ELF2: variants seen among roughly 807,000 people sequenced by gnomAD.
The protein encoded by ELF2 is ETS-related transcription factor Elf-2.
ELF2 carries 11 observed loss-of-function variants against 54.8 expected under a neutral mutation model. The ratio of observed to expected loss-of-function variants is 0.20; its 90% CI spans 0.13 to 0.33. The LOEUF (loss-of-function observed/expected upper bound fraction) is 0.33, where lower values mean the gene tolerates loss of function less well. ELF2 is among the 10% of genes least tolerant of loss of function. ELF2 has a pLI of 1.00. For missense variants in ELF2, 513 were observed against 703.0 expected (o/e 0.73, Z 3.06); for synonymous variants, 203 against 245.1 (o/e 0.83, Z 1.61).
chr4:139,161,796 C>A (rs1441438214), intron 1 of ELF2, among the ~76,000 whole-genome samples: 6 of 151,550 alleles, frequency 4.0e-5, no homozygotes, highest in African/African-American at 1.5e-4. Context: ...CATGGAGAAA[C>A]CCCGTCTCTA....
intron 1 of ELF2, among the ~76,000 whole-genome samples, chr4:139,169,857 T>TAAAA (rs3041235): frequency 3.1e-5 from 4 of 129,116 alleles, no homozygotes; most frequent in South Asian, 4.8e-4. Context: ...ACTCTTGTCT[T>TAAAA]AAAAAAAAAA....
intron 4 of ELF2, among the ~76,000 whole-genome samples, chr4:139,079,813 G>A (rs1027722946): frequency 2.0e-5 from 3 of 152,228 alleles, no homozygotes; most frequent in Non-Finnish European, 2.9e-5. Context: ...TTGGGAGGCT[G>A]AAGTGGGAGA....
chr4:139,131,351 G>T (rs954318129), intron 3 of ELF2, among the ~76,000 whole-genome samples: 2 of 152,120 alleles, frequency 1.3e-5, no homozygotes, highest in Non-Finnish European at 2.9e-5. Flanking sequence ...TAAGGAGAGA[G>T]ATTCTTAGTT....
chr4:139,108,846 C>A (rs998696420), intron 4 of ELF2, among the ~76,000 whole-genome samples: 2 of 152,134 alleles, frequency 1.3e-5, no homozygotes, highest in Non-Finnish European at 2.9e-5. Context: ...ACGAGGGGAA[C>A]AGAACAACCT....
chr4:139,070,992 T>C (rs1410279922), intron 6 of ELF2, among the ~76,000 whole-genome samples: 1 of 152,212 alleles, frequency 6.6e-6, no homozygotes, highest in African/African-American at 2.4e-5. Context: ...ACCTAATTAC[T>C]TAGAATGTCA....
At chr4:139,143,379 T>A (rs1048139682) in intron 1 of ELF2, among the ~76,000 whole-genome samples, 8 of 152,212 alleles carry the variant, frequency 5.3e-5, no homozygotes, top group African/African-American at 1.9e-4. Flanking sequence ...TATGCCTCCC[T>A]TCACTGTTGC....
chr4:139,122,666 T>C (rs995252379), intron 4 of ELF2, among the ~76,000 whole-genome samples: 4 of 151,890 alleles, frequency 2.6e-5, no homozygotes, highest in African/African-American at 9.7e-5. Context: ...CACGCCCAGC[T>C]AATTTTTTGT....
chr4:139,081,393 A>G (rs1286516495), intron 4 of ELF2, among the ~76,000 whole-genome samples: 1 of 152,214 alleles, frequency 6.6e-6, no homozygotes, highest in South Asian at 2.1e-4. Flanking sequence ...GACAGTGATA[A>G]TATTAAGTGT....
At chr4:139,169,167 G>A (rs559052371) in intron 1 of ELF2, among the ~76,000 whole-genome samples, 1 of 151,740 alleles carries the variant, frequency 6.6e-6, no homozygotes, top group African/African-American at 2.4e-5. Context: ...GGCCAAAATG[G>A]TGAAACCCCA....
At chr4:139,083,100 C>G (rs559332099) in intron 4 of ELF2, among the ~76,000 whole-genome samples, 1 of 151,964 alleles carries the variant, frequency 6.6e-6, no homozygotes, top group African/African-American at 2.4e-5. Flanking sequence ...TGGAACACCT[C>G]AGAGAGCAGA....
At chr4:139,157,374 G>C (rs184215613) in intron 1 of ELF2, among the ~76,000 whole-genome samples, 6 of 152,054 alleles carry the variant, frequency 3.9e-5, no homozygotes, top group Non-Finnish European at 8.8e-5. Context: ...AATGAACTTA[G>C]ATAACTTGTG....
At chr4:139,093,156 G>A (rs1454170370) in intron 4 of ELF2, among the ~76,000 whole-genome samples, 1 of 151,846 alleles carries the variant, frequency 6.6e-6, no homozygotes, top group African/African-American at 2.4e-5. Flanking sequence ...TAGTAGAGAC[G>A]GGGTTTCACC....
intron 1 of ELF2, among the ~76,000 whole-genome samples, chr4:139,169,856 T>C (rs912670894): frequency 1.1e-4 from 10 of 93,866 alleles, no homozygotes; most frequent in Admixed American, 9.7e-4. Context: ...GACTCTTGTC[T>C]TAAAAAAAAA....
intron 1 of ELF2, among the ~76,000 whole-genome samples, chr4:139,174,166 C>A (rs1742653874): frequency 6.9e-6 from 1 of 144,238 alleles, no homozygotes. Context: ...CAGATCACAC[C>A]ACTGCACTCC....
chr4:139,071,833 C>T (rs924540746), intron 6 of ELF2, 33 bp downstream of exon 6: 19 of 1,546,238 alleles, frequency 1.2e-5, no homozygotes, highest in Non-Finnish European at 1.6e-5. Context: ...AAATTTTCAC[C>T]TGCCTTCTCA....
At chr4:139,102,876 G>A (rs1258407472) in intron 4 of ELF2, among the ~76,000 whole-genome samples, 2 of 151,906 alleles carry the variant, frequency 1.3e-5, no homozygotes, top group Non-Finnish European at 1.5e-5. Context: ...AACTAGATCG[G>A]AGACATAAAT....
At chr4:139,063,008 C>A (rs1372089625) in intron 7 of ELF2, among the ~76,000 whole-genome samples, 1 of 152,186 alleles carries the variant, frequency 6.6e-6, no homozygotes, top group South Asian at 2.1e-4. Flanking sequence ...GTAATCCCAG[C>A]ACTTTGGGAG....
At chr4:139,147,281 A>G (rs1219427692) in intron 1 of ELF2, among the ~76,000 whole-genome samples, 2 of 152,220 alleles carry the variant, frequency 1.3e-5, no homozygotes, top group Non-Finnish European at 2.9e-5. Flanking sequence ...CATAAATGAA[A>G]AAGTGCTCAA....
chr4:139,079,433 A>T (rs1730786800), intron 4 of ELF2, among the ~76,000 whole-genome samples: 1 of 152,194 alleles, frequency 6.6e-6, no homozygotes. Context: ...TATTATTTTC[A>T]AAACAGTTTT....
Sources: allele counts gnomAD v4.1 joint callset (sites outside exome capture counted in the v4.1 genomes callset), GRCh38; gene constraint gnomAD v4.1.1; transcripts MANE v1.5; gene names NCBI Gene and HGNC (gene_info 2026-07-23, HGNC 2026-07-21).